Variants in SETBP1 observed in about 807,000 individuals in gnomAD.
SETBP1 encodes SET-binding protein.
In SETBP1, 9 loss-of-function variants were observed where a neutral mutation model predicts 101.0. That is an observed-to-expected ratio of 0.09 (90% CI 0.05 to 0.16). The LOEUF (loss-of-function observed/expected upper bound fraction) is 0.16, where lower values mean the gene tolerates loss of function less well. Among genes scored for constraint, SETBP1 ranks in the 10% least tolerant of loss-of-function variants. The pLI is 1.00. For missense variants in SETBP1, 1,858 were observed against 2,033.8 expected, an observed-to-expected ratio of 0.91 and a Z score of 1.66; for synonymous variants, 818 against 788.5, an observed-to-expected ratio of 1.04 and a Z score of -0.63.
intron 2 of SETBP1, among the ~76,000 whole-genome samples, chr18:44,778,282 G>A (rs1048839093): frequency 1.3e-5 from 2 of 152,180 alleles, no homozygotes; most frequent in African/African-American, 4.8e-5. Flanking sequence ...CTTATTCTCA[G>A]CCTAGGGGGG....
chr18:45,004,512 T>G (rs79810014), intron 4 of SETBP1, among the ~76,000 whole-genome samples: 13,036 of 152,230 alleles, frequency 0.086, 558 homozygotes, highest in South Asian at 0.17. Context: ...GTCTCTTCTG[T>G]TTATCTTACC....
chr18:44,763,571 A>T (rs12961008), intron 2 of SETBP1, among the ~76,000 whole-genome samples: 23,734 of 152,186 alleles, frequency 0.16, 2,145 homozygotes, highest in Non-Finnish European at 0.2. Context: ...CACTGTGAAC[A>T]TTTTGGAAAC....
intron 4 of SETBP1, among the ~76,000 whole-genome samples, chr18:45,021,314 G>A (rs1051277227): frequency 2.6e-5 from 4 of 152,300 alleles, no homozygotes; most frequent in East Asian, 3.9e-4. Flanking sequence ...TTATTAGGAT[G>A]CCACGGTTTA....
At chr18:44,970,698 C>A (rs1018158326) in intron 4 of SETBP1, among the ~76,000 whole-genome samples, 2 of 151,862 alleles carry the variant, frequency 1.3e-5, no homozygotes, top group South Asian at 4.2e-4. Flanking sequence ...ATTACAGGCA[C>A]GTGCCACCAC....
chr18:44,793,994 T>C (rs538812054), intron 2 of SETBP1, among the ~76,000 whole-genome samples: 2 of 152,302 alleles, frequency 1.3e-5, no homozygotes, highest in South Asian at 4.1e-4. Context: ...TAACAAGGGG[T>C]TAGTCAGAGT....
intron 4 of SETBP1, among the ~76,000 whole-genome samples, chr18:45,036,641 A>G (rs1047382260): frequency 2.0e-5 from 3 of 152,220 alleles, no homozygotes; most frequent in African/African-American, 7.2e-5. Context: ...TATAAACTCC[A>G]AGAAAAGCAT....
chr18:44,861,570 A>G (rs1163974862), intron 2 of SETBP1, among the ~76,000 whole-genome samples: 1 of 152,096 alleles, frequency 6.6e-6, no homozygotes, highest in Non-Finnish European at 1.5e-5. Flanking sequence ...CCAACAGTAT[A>G]CATACCCAAG....
intron 2 of SETBP1, among the ~76,000 whole-genome samples, chr18:44,840,067 C>T (rs2072585587): frequency 6.6e-6 from 1 of 152,196 alleles, no homozygotes; most frequent in African/African-American, 2.4e-5. Flanking sequence ...GAGGCCTGTG[C>T]ATGGTCGAAT....
chr18:44,718,373 T>C (rs2069511340), intron 2 of SETBP1, among the ~76,000 whole-genome samples: 1 of 152,122 alleles, frequency 6.6e-6, no homozygotes, highest in Non-Finnish European at 1.5e-5. Context: ...AAGCTGCAGA[T>C]CCCAGAGCTG....
At chr18:44,831,932 T>G (rs2072379857) in intron 2 of SETBP1, among the ~76,000 whole-genome samples, 1 of 152,212 alleles carries the variant, frequency 6.6e-6, no homozygotes, top group Admixed American at 6.5e-5. Flanking sequence ...CCTGCTGTGT[T>G]TTCACTCTTG....
In SETBP1 at chr18:45,043,708, G is replaced by A. The variant is rs374637102; in HGVS notation, c.4171+5053G>A. ...TTCTCATGGCAGGGACTAATGTTAG[G>A]GAAATCATTTTGTTATTAGCCCAGC... On this transcript the variant is annotated intron_variant, in intron 5 of 5. Transcript: ENST00000649279. 5.9e-5 allele frequency among the ~76,000 whole-genome samples: 9 copies of A among 152,128 alleles called. 1 individual carries two copies. In the East Asian group the frequency reaches 1.5e-3, roughly 26 times the overall value.
intron 4 of SETBP1, among the ~76,000 whole-genome samples, chr18:44,984,077 T>C (rs2072175516): frequency 6.6e-6 from 1 of 152,140 alleles, no homozygotes; most frequent in Non-Finnish European, 1.5e-5. Context: ...TGCATGAGCC[T>C]GTAATCCCAG....
At chr18:44,893,397 T>A (rs1308077113) in intron 3 of SETBP1, among the ~76,000 whole-genome samples, 1 of 152,176 alleles carries the variant, frequency 6.6e-6, no homozygotes, top group Non-Finnish European at 1.5e-5. Flanking sequence ...AGCGTGGAGA[T>A]GTTTGGTAAC....
chr18:44,931,568 G>T (rs2070834900), intron 3 of SETBP1, among the ~76,000 whole-genome samples: 1 of 152,118 alleles, frequency 6.6e-6, no homozygotes, highest in African/African-American at 2.4e-5. Context: ...TATTCTGTGG[G>T]AGTCTAAGTC....
chr18:44,821,822 T>G (rs563281797), intron 2 of SETBP1, among the ~76,000 whole-genome samples: 2 of 152,318 alleles, frequency 1.3e-5, no homozygotes, highest in South Asian at 4.1e-4. Flanking sequence ...GAATCAGAGC[T>G]GTTTAGCAAG....
intron 2 of SETBP1, among the ~76,000 whole-genome samples, chr18:44,725,023 A>G (rs373847505): frequency 1.3e-5 from 2 of 152,134 alleles, no homozygotes; most frequent in East Asian, 3.9e-4. Context: ...CACAGCATTC[A>G]TTTCTTCACT....
chr18:44,791,281 A>T (rs1390080439), intron 2 of SETBP1, among the ~76,000 whole-genome samples: 3 of 152,204 alleles, frequency 2.0e-5, no homozygotes, highest in Non-Finnish European at 4.4e-5. Context: ...CCCACGAAAA[A>T]CAATGATTCA....
chr18:44,948,767 A>G (rs1185754948), intron 3 of SETBP1, among the ~76,000 whole-genome samples: 2 of 152,248 alleles, frequency 1.3e-5, no homozygotes, highest in Non-Finnish European at 2.9e-5. Context: ...GCATATTTTT[A>G]TTAAAAGTAG....
At chr18:44,743,141 T>A (rs888622642) in intron 2 of SETBP1, among the ~76,000 whole-genome samples, 8 of 151,744 alleles carry the variant, frequency 5.3e-5, no homozygotes, top group African/African-American at 1.9e-4. Flanking sequence ...TCCCTATTTT[T>A]GCTCTTTCTC....
Sources: gnomAD v4.1 joint callset for allele counts (sites outside exome capture counted in the v4.1 genomes callset) on GRCh38, gnomAD v4.1.1 for gene constraint, MANE v1.5 for transcripts, NCBI Gene and HGNC (gene_info 2026-07-23, HGNC 2026-07-21) for gene names.